Variants in SGMS1 observed in about 807,000 individuals in gnomAD.
SGMS1 encodes sphingomyelin synthase 1.
SGMS1 carries 13 observed loss-of-function variants against 46.2 expected under a neutral mutation model. The ratio of observed to expected loss-of-function variants is 0.28; its 90% confidence interval spans 0.18 to 0.45. The LOEUF is 0.45. Ranked by LOEUF, SGMS1 falls within the 20% of genes least tolerant of loss-of-function variation. SGMS1 has a pLI of 1.00. For synonymous variants in SGMS1, 203 were observed against 187.8 expected, an observed-to-expected ratio of 1.08 and a Z score of -0.66; for missense variants, 324 against 519.9, an observed-to-expected ratio of 0.62 and a Z score of 3.66.
chr10:50,348,325 G>C (rs1319041385), intron 6 of SGMS1, among the ~76,000 whole-genome samples: 1 of 152,108 alleles, frequency 6.6e-6, no homozygotes, highest in Non-Finnish European at 1.5e-5. Flanking sequence ...GGGCAATAAG[G>C]CAAGAGAAAG....
chr10:50,573,417 C>G (rs1296746541), intron 2 of SGMS1, among the ~76,000 whole-genome samples: 1 of 152,044 alleles, frequency 6.6e-6, no homozygotes, highest in African/African-American at 2.4e-5. Context: ...AAAAAGGAAA[C>G]TAAGAACAAC....
chr10:50,538,530 T>A (rs1838024386), intron 2 of SGMS1, among the ~76,000 whole-genome samples: 1 of 151,140 alleles, frequency 6.6e-6, no homozygotes, highest in Non-Finnish European at 1.5e-5. Context: ...AATCCTTCAT[T>A]AAGTGGGACC....
intron 2 of SGMS1, among the ~76,000 whole-genome samples, chr10:50,581,359 C>T (rs1364004324): frequency 2.6e-5 from 4 of 152,126 alleles, no homozygotes; most frequent in Non-Finnish European, 1.5e-5. Context: ...CAGGTTATGC[C>T]TCAATTTCCT....
intron 8 of SGMS1, 136 bp downstream of exon 8, chr10:50,327,069 C>T (rs1046307135): frequency 3.6e-6 from 2 of 557,476 alleles, no homozygotes; most frequent in Non-Finnish European, 6.4e-6. Context: ...CTGGCCATAT[C>T]ATTTAGTAAC....
At chr10:50,499,618 A>T (rs1309520014) in intron 3 of SGMS1, among the ~76,000 whole-genome samples, 1 of 152,224 alleles carries the variant, frequency 6.6e-6, no homozygotes, top group Non-Finnish European at 1.5e-5. Context: ...TCCCAAAGGC[A>T]GGATATTCAG....
chr10:50,317,093 C>A (rs1161176217), intron 8 of SGMS1, among the ~76,000 whole-genome samples: 1 of 152,104 alleles, frequency 6.6e-6, no homozygotes, highest in East Asian at 1.9e-4. Context: ...AATCAAAGAC[C>A]AGATCTGATA....
At chr10:50,408,149 T>C (rs1266097500) in intron 6 of SGMS1, among the ~76,000 whole-genome samples, 12 of 152,222 alleles carry the variant, frequency 7.9e-5, no homozygotes, top group Non-Finnish European at 1.2e-4. Context: ...CTAGTGCCTA[T>C]TGTATTGGAC....
At chr10:50,392,594 G>A (rs377375800) in intron 6 of SGMS1, among the ~76,000 whole-genome samples, 1 of 152,138 alleles carries the variant, frequency 6.6e-6, no homozygotes, top group Admixed American at 6.5e-5. Context: ...CCATGCAAAG[G>A]ACAACACTAC....
chr10:50,544,426 T>C (rs1262786835), intron 2 of SGMS1, among the ~76,000 whole-genome samples: 1 of 152,250 alleles, frequency 6.6e-6, no homozygotes, highest in Non-Finnish European at 1.5e-5. Context: ...ATTATCTTGC[T>C]TCGGTGAAGG....
intron 2 of SGMS1, among the ~76,000 whole-genome samples, chr10:50,545,045 C>T (rs181123609): frequency 3.8e-4 from 58 of 152,104 alleles, no homozygotes; most frequent in African/African-American, 1.3e-3. Flanking sequence ...AATGGTAGCA[C>T]GTGTACAATA....
rs1847440329 is a variant in SGMS1, at chr10:50,321,350, C to A, written c.741+5855G>T. 2.6e-5 allele frequency among the ~76,000 whole-genome samples: 4 copies of A among 152,096 alleles called. No homozygotes were observed. The South Asian group carries it at 8.3e-4, about 32-fold the overall frequency. On this transcript the variant is annotated intron_variant, in intron 8 of 10. Coordinates refer to ENST00000361781, the MANE Select transcript of SGMS1 (RefSeq NM_147156.4). ...TCTAAAATCTTCCTCTTTTTGTAGT[C>A]TTTCAATATATCTTTAAAGAATGTA...
At chr10:50,327,975 A>T in intron 7 of SGMS1, 2 of 293,170 alleles carry the variant, frequency 6.8e-6, no homozygotes, top group South Asian at 5.8e-5. Flanking sequence ...ATGTCTGAAA[A>T]ATTCCTACCA....
chr10:50,389,087 A>G (rs1348936422), intron 6 of SGMS1, among the ~76,000 whole-genome samples: 2 of 152,106 alleles, frequency 1.3e-5, no homozygotes, highest in African/African-American at 4.8e-5. Context: ...AGCCTATAAC[A>G]TCATGTCATA....
chr10:50,460,105 G>A (rs961339882), intron 5 of SGMS1: 2 of 152,134 alleles, frequency 1.3e-5, no homozygotes, highest in Admixed American at 1.3e-4. Flanking sequence ...GAAATAATGG[G>A]TGCCCCTGAT....
intron 6 of SGMS1, among the ~76,000 whole-genome samples, chr10:50,361,642 G>A (rs1212409173): frequency 6.6e-6 from 1 of 152,174 alleles, no homozygotes; most frequent in East Asian, 1.9e-4. Flanking sequence ...AATTCCTGGA[G>A]ATCCTATCTT....
intron 7 of SGMS1, among the ~76,000 whole-genome samples, chr10:50,334,258 G>T (rs1049542472): frequency 2.0e-5 from 3 of 152,156 alleles, no homozygotes; most frequent in Non-Finnish European, 4.4e-5. Flanking sequence ...TAGACAAAAG[G>T]TGTTAGATTT....
chr10:50,371,167 G>A (rs1297970697), intron 6 of SGMS1, among the ~76,000 whole-genome samples: 4 of 152,184 alleles, frequency 2.6e-5, no homozygotes, highest in Admixed American at 1.3e-4. Context: ...TGTTAGGACA[G>A]CTATTACACC....
At chr10:50,603,965 T>C (rs543504735) in intron 1 of SGMS1, among the ~76,000 whole-genome samples, 1 of 151,362 alleles carries the variant, frequency 6.6e-6, no homozygotes, top group African/African-American at 2.5e-5. Context: ...TTTATTCTAG[T>C]AGGAGTTACA....
chr10:50,448,304 T>A (rs917745750), intron 5 of SGMS1, among the ~76,000 whole-genome samples: 4 of 152,140 alleles, frequency 2.6e-5, no homozygotes, highest in Non-Finnish European at 5.9e-5. Context: ...GAAGAGTATA[T>A]TTTTTAACAT....
Sources: gnomAD v4.1 joint callset for allele counts (sites outside exome capture counted in the v4.1 genomes callset) on GRCh38, gnomAD v4.1.1 for gene constraint, MANE v1.5 for transcripts, NCBI Gene and HGNC (gene_info 2026-07-23, HGNC 2026-07-21) for gene names.